The following C9orf85 variants were observed in gnomAD, a reference collection of about 807,000 sequenced individuals.
C9orf85 encodes the protein chromosome 9 open reading frame 85.
A neutral mutation model predicts 14.9 loss-of-function variants in C9orf85; 16 were observed. That is an observed-to-expected ratio of 1.08 (90% CI 0.73 to 1.63). The LOEUF is 1.63. C9orf85 is among the 40% of genes most tolerant of loss of function. The pLI, the probability that C9orf85 is intolerant of heterozygous loss-of-function variation, is 0.00. For missense variants in C9orf85, 172 were observed against 186.1 expected (o/e 0.92, Z 0.44); for synonymous variants, 45 against 56.8 (o/e 0.79, Z 0.93).
chr9:71,965,509 T>C (rs1456003606), intron 2 of C9orf85, among the ~76,000 whole-genome samples: 3 of 152,170 alleles, frequency 2.0e-5, no homozygotes, highest in Non-Finnish European at 4.4e-5. Flanking sequence ...TACTATTTTA[T>C]TGCCAGTGCT....
At chr9:71,955,269 A>T (rs547276182) in intron 2 of C9orf85, among the ~76,000 whole-genome samples, 1 of 152,266 alleles carries the variant, frequency 6.6e-6, no homozygotes, top group South Asian at 2.1e-4. Flanking sequence ...AGTCTCCTTA[A>T]ACTAGTTGTA....
chr9:71,922,043 C>T (rs543113029), intron 1 of C9orf85, among the ~76,000 whole-genome samples: 63 of 151,976 alleles, frequency 4.1e-4, no homozygotes, highest in Non-Finnish European at 7.8e-4. Flanking sequence ...CGTGTTCAAG[C>T]GATTCTCCTA....
chr9:71,917,784 A>G (rs542275499), intron 1 of C9orf85, among the ~76,000 whole-genome samples: 2 of 152,364 alleles, frequency 1.3e-5, no homozygotes, highest in East Asian at 3.9e-4. Flanking sequence ...AGTGAAGATT[A>G]TAAGAGCAAA....
exon 4 of C9orf85, chr9:71,982,808 G>T (rs1168624094): frequency 6.3e-6 from 2 of 318,596 alleles, no homozygotes; most frequent in Non-Finnish European, 1.2e-5. Context: ...GCTAATCTTT[G>T]TATTTTTAGT....
At chr9:71,927,845 A>T (rs1458333977) in intron 1 of C9orf85, among the ~76,000 whole-genome samples, 1 of 152,188 alleles carries the variant, frequency 6.6e-6, no homozygotes, top group East Asian at 1.9e-4. Context: ...CCTCTCTGTA[A>T]AAAACAGTTA....
chr9:71,974,420 T>A (rs1336841897), downstream of C9orf85, among the ~76,000 whole-genome samples: 2 of 151,818 alleles, frequency 1.3e-5, no homozygotes, highest in Non-Finnish European at 2.9e-5. Flanking sequence ...ATTTTTGTAT[T>A]TTTAGTAGAG....
intron 2 of C9orf85, among the ~76,000 whole-genome samples, chr9:71,949,827 T>C (rs1017799654): frequency 6.6e-6 from 1 of 152,204 alleles, no homozygotes; most frequent in African/African-American, 2.4e-5. Context: ...AGATTCCTCT[T>C]ACTGTTCCTC....
At chr9:71,922,386 C>T (rs148208447) in intron 1 of C9orf85, among the ~76,000 whole-genome samples, 212 of 152,298 alleles carry the variant, frequency 1.4e-3, no homozygotes, top group African/African-American at 4.9e-3. Flanking sequence ...AATTTATAGT[C>T]TGTTGTCATG....
rs1554709461 is a variant in C9orf85, at chr9:71,968,101, T to TATAGAGAG, written c.210-3403_210-3402insTAGAGAGA. ...ATCCATTGCTGCATATATATATATATAGAGAGAGAGAGAGAGAGTGCATGC... is the reference window on the plus strand; with the variant it reads ...ATCCATTGCTGCATATATATATATATATAGAGAGAGAGAGAGAGAGAGAGAGTGCATGC... On this transcript the variant is annotated intron_variant, in intron 2 of 3. Coordinates refer to ENST00000334731, the MANE Select transcript of C9orf85 (RefSeq NM_182505.5). Among the ~76,000 whole-genome samples, 1,337 of 146,812 alleles carry TATAGAGAG rather than the reference T, an allele frequency of 9.1e-3. 17 individuals carry two copies. The highest frequency in any genetic ancestry group is 0.022 in the African/African-American group (872 of 39,754).
At chr9:71,981,034 T>C (rs958789911) in intron 3 of C9orf85, among the ~76,000 whole-genome samples, 2 of 152,218 alleles carry the variant, frequency 1.3e-5, no homozygotes, top group Non-Finnish European at 2.9e-5. Context: ...GCTATACTAC[T>C]GTCCGTAAAT....
chr9:71,920,717 T>C (rs564196538), intron 1 of C9orf85, among the ~76,000 whole-genome samples: 173 of 152,308 alleles, frequency 1.1e-3, no homozygotes, highest in African/African-American at 3.9e-3. Flanking sequence ...GTTTTTCACA[T>C]CTTCACTTTT....
In C9orf85 at chr9:71,921,322, G is replaced by A. The variant is rs549829637; in HGVS notation, c.102+9486G>A. Among the ~76,000 whole-genome samples, 50 of 152,204 alleles carry A rather than the reference G, an allele frequency of 3.3e-4. 2 individuals are homozygous for A. The South Asian group carries it at 0.01, about 32-fold the overall frequency. On this transcript the variant is annotated intron_variant, in intron 1 of 3. Coordinates refer to ENST00000334731, the MANE Select transcript of C9orf85 (RefSeq NM_182505.5). The stretch of plus-strand genomic sequence containing the variant: ...TATTCTCTCTGAAGCCTGCTACCTG[G>A]AGGCTTCATCTACATGACAAGAACC...
chr9:71,977,525 A>G (rs778171937), downstream of C9orf85, among the ~76,000 whole-genome samples: 1 of 152,254 alleles, frequency 6.6e-6, no homozygotes, highest in Non-Finnish European at 1.5e-5. Context: ...TAGATCTTAT[A>G]CACATTATAC....
intron 1 of C9orf85, among the ~76,000 whole-genome samples, chr9:71,927,911 C>T (rs1209929598): frequency 6.6e-6 from 1 of 152,106 alleles, no homozygotes; most frequent in Non-Finnish European, 1.5e-5. Context: ...CATGGCCAGG[C>T]ACAGTGGCTC....
At chr9:71,960,347 T>C (rs1822482194) in intron 2 of C9orf85, among the ~76,000 whole-genome samples, 1 of 152,246 alleles carries the variant, frequency 6.6e-6, no homozygotes, top group African/African-American at 2.4e-5. Flanking sequence ...TTGCTCTTGT[T>C]ACTTTTTCTT....
At chr9:71,967,013 A>C (rs892041652) in intron 2 of C9orf85, among the ~76,000 whole-genome samples, 1 of 152,150 alleles carries the variant, frequency 6.6e-6, no homozygotes, top group African/African-American at 2.4e-5. Context: ...ATACTTAATA[A>C]GTTTTGTGCC....
At chr9:71,975,622 C>T (rs533806871), downstream of C9orf85, among the ~76,000 whole-genome samples, 6 of 152,252 alleles carry the variant, frequency 3.9e-5, no homozygotes, top group African/African-American at 1.4e-4. Flanking sequence ...CACCTGAGGT[C>T]GGGAGTTCGA....
chr9:71,958,432 T>C (rs989870945), intron 2 of C9orf85, among the ~76,000 whole-genome samples: 2 of 151,398 alleles, frequency 1.3e-5, no homozygotes, highest in African/African-American at 4.9e-5. Flanking sequence ...CCAGCTAATT[T>C]TGTATTTTTA....
rs372119320 is a variant in C9orf85 at position 71,917,877 on chromosome 9, C to G, written c.102+6041C>G. 3.3e-5 allele frequency among the ~76,000 whole-genome samples: 5 copies of G among 152,088 alleles called. No individual in the cohort carries two copies. In the South Asian group the frequency reaches 1.0e-3, roughly 32 times the overall value. The stretch of plus-strand genomic sequence containing the variant: ...TTTACCTCAGTCAAAAATAGGCAAA[C>G]AAACAAACAAAGAAAACCAAGAAGG... On this transcript the variant is annotated intron_variant, in intron 1 of 3. Coordinates refer to ENST00000334731, the MANE Select transcript of C9orf85 (RefSeq NM_182505.5).
Sources: allele counts gnomAD v4.1 joint callset (sites outside exome capture counted in the v4.1 genomes callset), GRCh38; gene constraint gnomAD v4.1.1; transcripts MANE v1.5; gene names NCBI Gene and HGNC (gene_info 2026-07-23, HGNC 2026-07-21).